Variants in MXD4 observed in about 807,000 individuals in gnomAD.
MXD4 encodes Mad4 homolog.
A neutral mutation model predicts 24.5 loss-of-function variants in MXD4; 16 were observed. The observed-to-expected ratio is 0.65, with a 90% confidence interval of 0.44 to 0.99. MXD4 has a LOEUF of 0.99. Among genes scored for constraint, MXD4 ranks in the 50% least tolerant of loss-of-function variants. The pLI, the probability that MXD4 is intolerant of heterozygous loss-of-function variation, is 0.00. For synonymous variants in MXD4, 164 were observed against 134.2 expected (o/e 1.22, Z -1.54); for missense variants, 301 against 301.5 (o/e 1.00, Z 0.01).
intron 3 of MXD4, 38 bp from the exon 4 acceptor site, chr4:2,252,560 G>A: frequency 6.7e-7 from 1 of 1,494,720 alleles, no homozygotes; most frequent in Non-Finnish European, 9.2e-7. Flanking sequence ...GGCTGGGGTG[G>A]GGGAGGGCAG....
intron 3 of MXD4, among the ~76,000 whole-genome samples, chr4:2,255,928 C>T (rs1359499382): frequency 2.0e-5 from 3 of 152,160 alleles, no homozygotes; most frequent in Admixed American, 1.3e-4. Flanking sequence ...CAGGAGCAAG[C>T]GTGCCTCCCA....
chr4:2,250,400 G>A lies in MXD4; in HGVS notation c.*144C>T. Reference sequence around the variant, plus strand: ...GCAGGCCCTGACCGGCAAGCGGGCAGTGCCAGGCAGCCCAGCAGCAGCTGG... The same window carrying A: ...GCAGGCCCTGACCGGCAAGCGGGCAATGCCAGGCAGCCCAGCAGCAGCTGG... On this transcript the variant is annotated 3_prime_UTR_variant, in exon 6 of 6. Transcript: ENST00000337190. The A allele has an allele frequency of 1.7e-6, 2 of 1,152,088 alleles. No homozygotes were observed. The highest frequency in any genetic ancestry group is 3.3e-5 in the South Asian group (2 of 61,486). 71.4% of individuals were successfully genotyped at this position (1,152,088 alleles called of 1,614,324 possible). A position where few individuals can be genotyped will look rare whatever the true frequency, so the allele number is the denominator to read the frequency against.
intron 2 of MXD4, among the ~76,000 whole-genome samples, chr4:2,260,099 G>T (rs1393166978): frequency 6.6e-6 from 1 of 152,248 alleles, no homozygotes; most frequent in Admixed American, 6.5e-5. Flanking sequence ...ACCCGAGGAA[G>T]GGGCCAAGCC....
At chr4:2,260,422 T>G in intron 2 of MXD4, 1 of 386,696 alleles carries the variant, frequency 2.6e-6, no homozygotes. Flanking sequence ...ATAGAGGCAG[T>G]GTTCGGGCAG....
intron 3 of MXD4, chr4:2,252,977 GA>G: frequency 6.1e-6 from 1 of 164,136 alleles, no homozygotes; most frequent in Non-Finnish European, 1.4e-5. Flanking sequence ...TGTGACCATG[GA>G]AACATGATCA....
chr4:2,250,456 TG>T lies in MXD4; in HGVS notation c.*87del. ...CCAGAATGGCACAGCAGTGGGCCTG[TG>T]GAGAGGCTGGCGTCAACTGAAGGAG... On this transcript the variant is annotated 3_prime_UTR_variant, in exon 6 of 6. Transcript: ENST00000337190. 7.1e-7 allele frequency: 1 copy of T among 1,411,032 alleles called. No homozygotes were observed. Among genetic ancestry groups the T allele is most frequent in the Non-Finnish European group, 9.4e-7 (1 of 1,062,810 alleles). The allele number at this position is 1,411,032 out of a possible 1,614,324, so 87.4% of individuals were successfully genotyped here.
chr4:2,252,520 C>T lies in MXD4; in HGVS notation c.197G>A (p.Arg66Gln), dbSNP rs1735345380. ...SSHNELEKHR[R>Q]AKLRLYLEQL... Reference sequence around the variant, plus strand: ...CTCAAGGTACAGCCTGAGTTTGGCTCGTCTGAAAGAGCCAGAGACAGAACC... The same window carrying T: ...CTCAAGGTACAGCCTGAGTTTGGCTTGTCTGAAAGAGCCAGAGACAGAACC... The change falls in exon 4 of 6, where the codon CGA becomes CAA. Residue 66 changes from arginine (R) to glutamine (Q), a missense_variant and splice_region_variant. Physicochemically the swap from Arg to Gln is conservative, Grantham distance 43. Coordinates refer to ENST00000337190, the MANE Select transcript of MXD4 (RefSeq NM_006454.3). The T allele has an allele frequency of 1.9e-6, 3 of 1,609,304 alleles. No individual in the cohort carries two copies. The highest frequency in any genetic ancestry group is 2.5e-6 in the Non-Finnish European group (3 of 1,178,382).
chr4:2,260,154 C>T (rs1735510035), intron 2 of MXD4, among the ~76,000 whole-genome samples: 1 of 152,200 alleles, frequency 6.6e-6, no homozygotes, highest in South Asian at 2.1e-4. Context: ...GGGGCTCGGC[C>T]CAGAGGAGCC....
At chr4:2,255,289 C>G (rs757061394) in intron 3 of MXD4, 29 of 455,730 alleles carry the variant, frequency 6.4e-5, no homozygotes, top group Non-Finnish European at 9.7e-5. Context: ...GCCTGGGATG[C>G]GGTCTCTGGG....
chr4:2,250,808 G>C, intron 5 of MXD4, 107 bp from the exon 6 acceptor site: 2 of 1,386,138 alleles, frequency 1.4e-6, no homozygotes, highest in Non-Finnish European at 1.9e-6. Context: ...AAGTGCGGAG[G>C]GCGCTGTCTG....
chr4:2,252,044 T>C (rs543209672), intron 4 of MXD4, among the ~76,000 whole-genome samples: 178 of 152,080 alleles, frequency 1.2e-3, no homozygotes, highest in Non-Finnish European at 2.1e-3. Flanking sequence ...CAGGAAACCC[T>C]GGCCCCCTCT....
rs1329657903 is a variant in MXD4 at position 2,261,922 on chromosome 4, T to A, written c.59A>T (p.Asp20Val). 2.1e-6 allele frequency: 3 copies of A among 1,462,308 alleles called. No homozygotes were observed. The highest frequency in any genetic ancestry group is 2.7e-6 in the Non-Finnish European group (3 of 1,105,852). The allele number at this position is 1,462,308 out of a possible 1,614,324, so 90.6% of individuals were successfully genotyped here. ...LEAAEYLERR[D>V]REAEHGYASV... is the part of the protein sequence containing the mutation. ...CAATGGGGTGCGAGCGCTACCTCGA[T>A]CCCTGCGCTCCAGGTACTCGGCCGC... Residue 20 changes from aspartate (D) to valine (V), a missense_variant, in exon 1 of 6, where the codon GAT becomes GTT. Transcript: ENST00000337190.
chr4:2,252,594 CAG>C, intron 3 of MXD4, 72 bp from the exon 4 acceptor site: 1 of 978,316 alleles, frequency 1.0e-6, no homozygotes, highest in Admixed American at 2.1e-5. Context: ...GGGCCCTGCA[CAG>C]ACCCACCCCC....
chr4:2,261,464 G>A (rs1735543113), intron 2 of MXD4, among the ~76,000 whole-genome samples: 1 of 151,432 alleles, frequency 6.6e-6, no homozygotes, highest in Admixed American at 6.6e-5. Context: ...GCGGACCCCG[G>A]CGGCGGGCGC....
intron 2 of MXD4, chr4:2,260,694 C>A: frequency 2.4e-6 from 1 of 417,348 alleles, no homozygotes; most frequent in Non-Finnish European, 4.9e-6. Context: ...ACCAATTCCT[C>A]GCCTGGCTCA....
chr4:2,260,875 T>C (rs570440454), intron 2 of MXD4, among the ~76,000 whole-genome samples: 24 of 152,296 alleles, frequency 1.6e-4, no homozygotes, highest in Non-Finnish European at 3.1e-4. Context: ...AGGTGTGCTA[T>C]GGTCCTCACA....
chr4:2,252,762 T>G, intron 3 of MXD4: 2 of 455,748 alleles, frequency 4.4e-6, no homozygotes, highest in East Asian at 7.8e-5. Flanking sequence ...CTGCAAAGCC[T>G]CAGCGCGTCA....
intron 2 of MXD4, 95 bp from the exon 3 acceptor site, chr4:2,258,106 A>T: frequency 1.3e-6 from 2 of 1,496,484 alleles, no homozygotes; most frequent in East Asian, 4.6e-5. Flanking sequence ...ACCTGCAGAC[A>T]GTGGCTGGCT....
Position 2,247,633 on chromosome 4 carries a change from G to A in MXD4, c.*2911C>T, listed in dbSNP as rs1261848739. 2.6e-5 allele frequency: 4 copies of A among 152,368 alleles called. No individual in the cohort carries two copies. The highest frequency in any genetic ancestry group is 2.1e-4 in the South Asian group (1 of 4,824). The allele number at this position is 152,368 out of a possible 1,614,324, so 9.4% of individuals were successfully genotyped here. On this transcript the variant is annotated 3_prime_UTR_variant, in exon 6 of 6. Transcript: ENST00000337190. ...CCTGGGGCCACCCTGCTGGCCGAGG[G>A]TCAGGGTCCTCTGTGCAGGCAGTGG...
Sources: allele counts gnomAD v4.1 joint callset (sites outside exome capture counted in the v4.1 genomes callset), GRCh38; gene constraint gnomAD v4.1.1; transcripts MANE v1.5; gene names NCBI Gene and HGNC (gene_info 2026-07-23, HGNC 2026-07-21).